IQGAP1: variants seen among roughly 807,000 people sequenced by gnomAD.
IQGAP1 encodes the protein IQ motif containing GTPase activating protein 1, also known as ras GTPase-activating-like protein IQGAP1.
In IQGAP1, 66 loss-of-function variants were observed where a neutral mutation model predicts 215.6. The ratio of observed to expected loss-of-function variants is 0.31; its 90% CI spans 0.25 to 0.38. The LOEUF is 0.38. IQGAP1 is among the 10% of genes least tolerant of loss of function. IQGAP1 has a pLI of 1.00. For synonymous variants in IQGAP1, 772 were observed against 728.7 expected, an observed-to-expected ratio of 1.06 and a Z score of -0.96; for missense variants, 1,712 against 1,997.1, an observed-to-expected ratio of 0.86 and a Z score of 2.72.
chr15:90,458,631 A>T (rs1965719747), intron 15 of IQGAP1, among the ~76,000 whole-genome samples: 1 of 152,224 alleles, frequency 6.6e-6, no homozygotes, highest in South Asian at 2.1e-4. Flanking sequence ...TGACTTTTTC[A>T]TTGTTCTGAT....
Position 90,482,068 on chromosome 15 carries a change from C to G in IQGAP1, c.3438C>G (p.Leu1146=). ...RNMRAVTDKF[L]SAIVSSVDKI... is the part of the protein sequence containing the mutation. ...TGCGGGCTGTGACAGACAAGTTTCT[C>G]TCAGCCATTGTCAGCTCTGTGGACA... The change falls in exon 27 of 38, where the codon CTC becomes CTG. Residue 1146 remains leucine (L), a synonymous_variant. Coordinates refer to ENST00000268182, the MANE Select transcript of IQGAP1 (RefSeq NM_003870.4). The G allele has an allele frequency of 6.2e-7, 1 of 1,614,232 alleles. No homozygotes were observed.
rs577769109 is a variant in IQGAP1 at position 90,447,433 on chromosome 15, A to G, written c.914-1140A>G. Among the ~76,000 whole-genome samples, 111 of 152,126 alleles carry G rather than the reference A, an allele frequency of 7.3e-4. 1 individual carries two copies. Among genetic ancestry groups the G allele is most frequent in the African/African-American group, 2.6e-3 (109 of 41,510 alleles). On this transcript the variant is annotated intron_variant, in intron 9 of 37. Coordinates refer to ENST00000268182, the MANE Select transcript of IQGAP1 (RefSeq NM_003870.4). ...CCCTTGGGCTGTTTTGATTTTCTTT[A>G]TAACAGCTTATTAATTTTATTTTGT...
Position 90,454,564 on chromosome 15 carries a change from T to C in IQGAP1, c.1612+12T>C. 6.5e-7 allele frequency: 1 copy of C among 1,535,148 alleles called. No homozygotes were observed. Among genetic ancestry groups the C allele is most frequent in the Middle Eastern group, 1.8e-4 (1 of 5,706 alleles). On this transcript the variant is annotated intron_variant, in intron 14 of 37. Coordinates refer to ENST00000268182, the MANE Select transcript of IQGAP1 (RefSeq NM_003870.4). The stretch of plus-strand genomic sequence containing the variant: ...AGAGGAACATGAGAGTGAGTTATCT[T>C]CCTGTCCTCCCCAAATAATGTCACC...
At chr15:90,408,085 G>A (rs1964905838) in intron 2 of IQGAP1, among the ~76,000 whole-genome samples, 3 of 152,306 alleles carry the variant, frequency 2.0e-5, no homozygotes, top group South Asian at 4.1e-4. Flanking sequence ...CCTTTCAAGG[G>A]AAAGCATAAC....
Position 90,472,862 on chromosome 15 carries a change from C to T in IQGAP1, c.2201C>T (p.Ala734Val). The T allele has an allele frequency of 6.2e-7, 1 of 1,612,208 alleles. No individual in the cohort carries two copies. Residue 734 changes from alanine (A) to valine (V), a missense_variant, in exon 19 of 38, where the codon GCC becomes GTC. Physicochemically the swap from Ala to Val is moderately conservative, Grantham distance 64 (BLOSUM62 0). Transcript: ENST00000268182. Reference sequence around the variant, plus strand: ...CAGAGTTCTATCTCTGGGGTGACTGCCGCATATAACCGAGAACAGCTGTGG... The same window carrying T: ...CAGAGTTCTATCTCTGGGGTGACTGTCGCATATAACCGAGAACAGCTGTGG... ...EIQSSISGVT[A>V]AYNREQLWLA...
chr15:90,495,700 C>T (rs1367879812), intron 36 of IQGAP1, among the ~76,000 whole-genome samples: 3 of 146,690 alleles, frequency 2.0e-5, no homozygotes, highest in African/African-American at 5.0e-5. Context: ...TACAGTGGCG[C>T]GATCTCAGCT....
At chr15:90,495,738 A>T (rs1596296056) in intron 36 of IQGAP1, among the ~76,000 whole-genome samples, 1 of 149,286 alleles carries the variant, frequency 6.7e-6, no homozygotes, top group African/African-American at 2.5e-5. Flanking sequence ...CCCAGGTTCA[A>T]GCAATTCTCC....
At chr15:90,436,387 A>G (rs62020724) in intron 5 of IQGAP1, among the ~76,000 whole-genome samples, 1 of 152,192 alleles carries the variant, frequency 6.6e-6, no homozygotes, top group Non-Finnish European at 1.5e-5. Flanking sequence ...ATATTCAGAC[A>G]TATCTGGCTC....
intron 2 of IQGAP1, among the ~76,000 whole-genome samples, chr15:90,413,866 A>G (rs573303709): frequency 3.9e-4 from 60 of 152,250 alleles, no homozygotes; most frequent in Middle Eastern, 3.4e-3. Flanking sequence ...AGCGGGTAAC[A>G]TGTCATTCTT....
chr15:90,484,731 G>A lies in IQGAP1; in HGVS notation c.3921+379G>A, dbSNP rs552224860. Among the ~76,000 whole-genome samples the A allele has an allele frequency of 6.6e-5, 10 of 152,110 alleles. No homozygotes were observed. The South Asian group carries it at 1.9e-3, about 28-fold the overall frequency. ...TCACTGTGTTAGCCAGCATGGTGTC[G>A]ATATCCTGACCTCATGATCTGCCCA... is the stretch of plus-strand genomic sequence containing the variant. On this transcript the variant is annotated intron_variant, in intron 30 of 37. Transcript: ENST00000268182.
intron 2 of IQGAP1, among the ~76,000 whole-genome samples, chr15:90,423,572 C>T (rs535581351): frequency 6.6e-6 from 1 of 152,186 alleles, no homozygotes; most frequent in Non-Finnish European, 1.5e-5. Context: ...GGTGATACTC[C>T]ATTGTGAAAT....
At chr15:90,469,448 T>A (rs1433345412) in intron 18 of IQGAP1, among the ~76,000 whole-genome samples, 1 of 152,252 alleles carries the variant, frequency 6.6e-6, no homozygotes, top group Non-Finnish European at 1.5e-5. Context: ...TATGGTGGGT[T>A]ACAGTCTCTT....
chr15:90,410,920 A>C (rs1227577296), intron 2 of IQGAP1, among the ~76,000 whole-genome samples: 1 of 151,968 alleles, frequency 6.6e-6, no homozygotes, highest in South Asian at 2.1e-4. Flanking sequence ...TCTCTTGCTC[A>C]TATCACCAAT....
At chr15:90,418,677 A>G (rs1965088735) in intron 2 of IQGAP1, among the ~76,000 whole-genome samples, 1 of 152,238 alleles carries the variant, frequency 6.6e-6, no homozygotes, top group Non-Finnish European at 1.5e-5. Context: ...ACCAATGTGT[A>G]ATACTAGGCC....
chr15:90,491,291 A>G, intron 33 of IQGAP1, 42 bp from the exon 34 acceptor site: 1 of 1,501,132 alleles, frequency 6.7e-7, no homozygotes. Flanking sequence ...GTTTAGGATT[A>G]GTGTGGTAAA....
intron 11 of IQGAP1, among the ~76,000 whole-genome samples, chr15:90,450,754 TA>T (rs940728237): frequency 3.0e-4 from 46 of 151,920 alleles, no homozygotes; most frequent in African/African-American, 1.1e-3. Context: ...CTTCTTTTGA[TA>T]AAAATCTATT....
chr15:90,416,068 G>A (rs1246409327), intron 2 of IQGAP1, among the ~76,000 whole-genome samples: 2 of 151,682 alleles, frequency 1.3e-5, no homozygotes, highest in South Asian at 2.1e-4. Flanking sequence ...TGTGCACAAC[G>A]TGCAGGTTTG....
chr15:90,462,371 A>G (rs1965775992), intron 15 of IQGAP1, among the ~76,000 whole-genome samples: 1 of 152,000 alleles, frequency 6.6e-6, no homozygotes, highest in South Asian at 2.1e-4. Context: ...TCACTCCCCA[A>G]CTCTAATTGA....
chr15:90,447,560 C>T (rs574456992), intron 9 of IQGAP1, among the ~76,000 whole-genome samples: 9 of 152,042 alleles, frequency 5.9e-5, no homozygotes, highest in Non-Finnish European at 1.3e-4. Flanking sequence ...GTGATAAAAT[C>T]AGATGTTTAT....
Sources: allele counts gnomAD v4.1 joint callset (sites outside exome capture counted in the v4.1 genomes callset), GRCh38; gene constraint gnomAD v4.1.1; transcripts MANE v1.5; gene names NCBI Gene and HGNC (gene_info 2026-07-23, HGNC 2026-07-21).